The following AGTR1 variants were observed in gnomAD, a reference collection of about 807,000 sequenced individuals.
AGTR1 encodes the protein type-1 angiotensin II receptor.
A neutral mutation model predicts 19.4 loss-of-function variants in AGTR1; 16 were observed. That is an observed-to-expected ratio of 0.82 (90% confidence interval 0.56 to 1.25). The LOEUF (loss-of-function observed/expected upper bound fraction) is 1.25, where lower values mean the gene tolerates loss of function less well. Ranked by LOEUF, AGTR1 falls within the 50% of genes most tolerant of loss-of-function variation. AGTR1 has a pLI of 0.00. For synonymous variants in AGTR1, 153 were observed against 154.9 expected, an observed-to-expected ratio of 0.99 and a Z score of 0.09; for missense variants, 373 against 431.9, an observed-to-expected ratio of 0.86 and a Z score of 1.21.
At position 148,741,190 on chromosome 3, in the gene AGTR1, T is replaced by A; in HGVS notation, c.155T>A (p.Val52Asp). ...GIFGNSLVVI[V>D]IYFYMKLKTV... Reference sequence around the variant, plus strand: ...TTTGGAAACAGCTTGGTGGTGATAGTCATTTACTTTTATATGAAGCTGAAG... The same window carrying A: ...TTTGGAAACAGCTTGGTGGTGATAGACATTTACTTTTATATGAAGCTGAAG... The change falls in exon 3 of 3, where the codon GTC (valine) becomes GAC (aspartate). Residue 52 changes from valine to aspartate, a missense_variant. Coordinates refer to ENST00000349243, the MANE Select transcript of AGTR1 (RefSeq NM_000685.5). 5 of 1,614,174 alleles carry A rather than the reference T, an allele frequency of 3.1e-6. No homozygotes were observed. Among genetic ancestry groups the A allele is most frequent in the Non-Finnish European group, 3.4e-6 (4 of 1,180,040 alleles).
intron 2 of AGTR1, among the ~76,000 whole-genome samples, chr3:148,737,288 T>G (rs944217316): frequency 6.6e-6 from 1 of 151,952 alleles, no homozygotes; most frequent in Non-Finnish European, 1.5e-5. Flanking sequence ...GCTGCAGGCA[T>G]TAGTAAGGAG....
intron 2 of AGTR1, among the ~76,000 whole-genome samples, chr3:148,709,332 A>C (rs1712853073): frequency 6.6e-6 from 1 of 152,116 alleles, no homozygotes; most frequent in African/African-American, 2.4e-5. Flanking sequence ...AAAGCAGGAC[A>C]CTTACCCAGG....
At chr3:148,734,736 A>G (rs917269410) in intron 2 of AGTR1, among the ~76,000 whole-genome samples, 1 of 152,174 alleles carries the variant, frequency 6.6e-6, no homozygotes, top group Non-Finnish European at 1.5e-5. Context: ...CTTAAAAGCA[A>G]TACTTGTCTC....
At chr3:148,728,598 AAT>A (rs1294813705) in intron 2 of AGTR1, among the ~76,000 whole-genome samples, 1 of 152,304 alleles carries the variant, frequency 6.6e-6, no homozygotes, top group South Asian at 2.1e-4. Context: ...ATGATCCAGA[AAT>A]AAACTGTTAG....
chr3:148,701,678 T>G (rs1712351920), intron 1 of AGTR1, among the ~76,000 whole-genome samples: 1 of 152,244 alleles, frequency 6.6e-6, no homozygotes, highest in Non-Finnish European at 1.5e-5. Context: ...ATGTAATTTT[T>G]TTAACATTTA....
At chr3:148,723,074 A>G (rs1713735973) in intron 2 of AGTR1, among the ~76,000 whole-genome samples, 1 of 152,232 alleles carries the variant, frequency 6.6e-6, no homozygotes, top group Non-Finnish European at 1.5e-5. Context: ...GTGCTAGCCA[A>G]GTGTTACTAT....
chr3:148,720,655 C>G (rs2107946742), intron 2 of AGTR1, among the ~76,000 whole-genome samples: 1 of 152,152 alleles, frequency 6.6e-6, no homozygotes, highest in South Asian at 2.1e-4. Context: ...CTGCCTCGTA[C>G]CGGTTTGGCC....
intron 2 of AGTR1, among the ~76,000 whole-genome samples, chr3:148,717,471 A>G (rs1438474443): frequency 7.9e-5 from 12 of 152,174 alleles, no homozygotes; most frequent in Admixed American, 3.3e-4. Context: ...CAAATTCACC[A>G]GAGTCTAAGA....
intron 2 of AGTR1, among the ~76,000 whole-genome samples, chr3:148,738,681 T>C (rs1477471943): frequency 6.6e-6 from 1 of 152,220 alleles, no homozygotes; most frequent in Non-Finnish European, 1.5e-5. Context: ...ATCTTCTGTT[T>C]TCTAAACCAC....
chr3:148,710,756 T>G (rs1381097269), intron 2 of AGTR1, among the ~76,000 whole-genome samples: 1 of 152,174 alleles, frequency 6.6e-6, no homozygotes, highest in African/African-American at 2.4e-5. Flanking sequence ...CCCCTCCAAA[T>G]CTCATGTTGA....
intron 1 of AGTR1, among the ~76,000 whole-genome samples, chr3:148,705,781 T>C (rs1470481113): frequency 6.6e-6 from 1 of 151,724 alleles, no homozygotes; most frequent in Non-Finnish European, 1.5e-5. Context: ...AGTGAAAAAA[T>C]CACTGTATAA....
chr3:148,741,619 T>C lies in AGTR1; in HGVS notation c.584T>C (p.Leu195Pro). The change falls in exon 3 of 3, where the codon CTG becomes CCG. Residue 195 changes from leucine to proline, a missense_variant. Transcript: ENST00000349243. Reference sequence around the variant, plus strand: ...CAAAATTCAACCCTCCCGATAGGGCTGGGCCTGACCAAAAATATACTGGGT... The same window carrying C: ...CAAAATTCAACCCTCCCGATAGGGCCGGGCCTGACCAAAAATATACTGGGT... ...ESQNSTLPIG[L>P]GLTKNILGFL... 5.0e-6 allele frequency: 8 copies of C among 1,614,146 alleles called. No individual in the cohort carries two copies. The highest frequency in any genetic ancestry group is 1.7e-5 in the Admixed American group (1 of 60,008).
intron 1 of AGTR1, among the ~76,000 whole-genome samples, chr3:148,707,181 G>C (rs1414133149): frequency 6.6e-6 from 1 of 151,880 alleles, no homozygotes; most frequent in Non-Finnish European, 1.5e-5. Flanking sequence ...GCCATCATAA[G>C]TAAAATAAAT....
At chr3:148,702,809 G>C (rs1444400607) in intron 1 of AGTR1, among the ~76,000 whole-genome samples, 1 of 152,036 alleles carries the variant, frequency 6.6e-6, no homozygotes, top group African/African-American at 2.4e-5. Context: ...TTATTTGTTT[G>C]TTTTTGGCTA....
chr3:148,728,341 T>C (rs1714070569), intron 2 of AGTR1, among the ~76,000 whole-genome samples: 1 of 152,216 alleles, frequency 6.6e-6, no homozygotes, highest in Non-Finnish European at 1.5e-5. Context: ...TCAGTGTTAC[T>C]ATTGCTAATA....
At chr3:148,706,489 A>G (rs1712674691) in intron 1 of AGTR1, among the ~76,000 whole-genome samples, 1 of 152,006 alleles carries the variant, frequency 6.6e-6, no homozygotes. Context: ...TCCTATATAT[A>G]ATTAAAAATA....
chr3:148,739,880 G>A (rs1714776633), intron 2 of AGTR1: 2 of 1,231,774 alleles, frequency 1.6e-6, no homozygotes, highest in African/African-American at 3.1e-5. Flanking sequence ...TGTGTGCCCA[G>A]CACCACTGCC....
intron 2 of AGTR1, among the ~76,000 whole-genome samples, chr3:148,734,303 G>T (rs1385148901): frequency 6.6e-6 from 1 of 152,128 alleles, no homozygotes; most frequent in Non-Finnish European, 1.5e-5. Flanking sequence ...ATAAAACTGG[G>T]TTCTTTGGGT....
chr3:148,726,604 A>G (rs192103706), intron 2 of AGTR1, among the ~76,000 whole-genome samples: 83 of 152,250 alleles, frequency 5.5e-4, no homozygotes, highest in African/African-American at 1.9e-3. Flanking sequence ...ATCAGCATTC[A>G]TGATATCTTT....
Sources: allele counts gnomAD v4.1 joint callset (sites outside exome capture counted in the v4.1 genomes callset), GRCh38; gene constraint gnomAD v4.1.1; transcripts MANE v1.5; gene names NCBI Gene and HGNC (gene_info 2026-07-23, HGNC 2026-07-21).